PAAF1: variants seen among roughly 807,000 people sequenced by gnomAD.
The protein encoded by PAAF1 is proteasomal ATPase-associated factor 1.
A neutral mutation model predicts 52.8 loss-of-function variants in PAAF1; 46 were observed. The ratio of observed to expected loss-of-function variants is 0.87; its 90% CI spans 0.69 to 1.11. PAAF1 has a LOEUF of 1.11. PAAF1 is among the 50% of genes most tolerant of loss of function. The probability of loss-of-function intolerance (pLI) is 0.00; values close to 1 mark genes in which losing one functional copy is unlikely to be tolerated. For missense variants in PAAF1, 424 were observed against 477.4 expected (o/e 0.89, Z 1.04); for synonymous variants, 178 against 172.8 (o/e 1.03, Z -0.24).
At chr11:73,919,846 G>C (rs1950163231) in intron 10 of PAAF1, among the ~76,000 whole-genome samples, 1 of 152,156 alleles carries the variant, frequency 6.6e-6, no homozygotes, top group Non-Finnish European at 1.5e-5. Flanking sequence ...GTTATTTACA[G>C]AACACCCAGC....
In PAAF1 at chr11:73,927,581, C is replaced by T; in HGVS notation, c.*219C>T. On this transcript the variant is annotated 3_prime_UTR_variant, in exon 12 of 12. Transcript: ENST00000310571. ...ATTGTGCCCACTGCATTTGTTCCAA[C>T]TTCTCCTTGTATAAACTCACCCCAG... is the stretch of plus-strand genomic sequence containing the variant. 1 of 586,312 alleles carries T rather than the reference C, an allele frequency of 1.7e-6. No homozygotes were observed. Among genetic ancestry groups the T allele is most frequent in the Non-Finnish European group, 3.0e-6 (1 of 328,968 alleles). The allele number at this position is 586,312 out of a possible 1,614,324, so 36.3% of individuals were successfully genotyped here.
At chr11:73,878,933 A>G (rs549659083) in intron 2 of PAAF1, 114 bp downstream of exon 2, 4 of 950,936 alleles carry the variant, frequency 4.2e-6, no homozygotes, top group East Asian at 2.5e-5. Context: ...GTCTGCAAAC[A>G]TGCTTGACCA....
chr11:73,878,702 CTTCT>C lies in PAAF1; in HGVS notation c.48-71_48-68del, dbSNP rs2135116783. The C allele has an allele frequency of 3.6e-6, 5 of 1,372,476 alleles. No individual in the cohort carries two copies. In the South Asian group the frequency reaches 6.0e-5, roughly 17 times the overall value. 85.0% of individuals were successfully genotyped at this position (1,372,476 alleles called of 1,614,324 possible). Reference sequence around the variant, plus strand: ...ATGACCAAGCTGGAGGTTACATGACCTTCTTTCTTCCCTTGTAACTATGGGATCC... The same window carrying C: ...ATGACCAAGCTGGAGGTTACATGACCTTCTTCCCTTGTAACTATGGGATCC... On this transcript the variant is annotated intron_variant, in intron 1 of 11. Transcript: ENST00000310571.
chr11:73,902,599 C>G (rs1025169438), intron 6 of PAAF1, among the ~76,000 whole-genome samples: 1 of 152,148 alleles, frequency 6.6e-6, no homozygotes, highest in Admixed American at 6.6e-5. Flanking sequence ...ATTATTGTTC[C>G]CTTTACAGAA....
intron 4 of PAAF1, among the ~76,000 whole-genome samples, chr11:73,897,063 G>A (rs2135163114): frequency 7.1e-6 from 1 of 140,154 alleles, no homozygotes; most frequent in Admixed American, 7.0e-5. Context: ...CCGGGCAGAG[G>A]CGCCCCTCAC....
chr11:73,905,687 T>C (rs554650766), intron 6 of PAAF1, among the ~76,000 whole-genome samples: 7 of 152,288 alleles, frequency 4.6e-5, no homozygotes, highest in African/African-American at 1.7e-4. Flanking sequence ...GTGATAATTT[T>C]CCACTCTGCT....
chr11:73,891,050 C>A, intron 3 of PAAF1, 62 bp from the exon 4 acceptor site: 2 of 986,404 alleles, frequency 2.0e-6, no homozygotes, highest in Non-Finnish European at 3.2e-6. Context: ...CTTTAAGAGG[C>A]TTTAATTATA....
chr11:73,924,312 G>A (rs1354923102), intron 10 of PAAF1, among the ~76,000 whole-genome samples: 4 of 152,118 alleles, frequency 2.6e-5, no homozygotes, highest in Non-Finnish European at 4.4e-5. Flanking sequence ...CAGGCGTGGT[G>A]GTGGGCACCT....
intron 3 of PAAF1, chr11:73,889,255 T>G (rs1408027760): frequency 7.4e-7 from 1 of 1,351,918 alleles, no homozygotes. Flanking sequence ...AGTAAGTGCT[T>G]ATGGTTGAAC....
Position 73,914,507 on chromosome 11 carries a change from A to G in PAAF1, c.819+3A>G. On this transcript the variant is annotated splice_donor_region_variant and intron_variant, in intron 8 of 11. Coordinates refer to ENST00000310571, the MANE Select transcript of PAAF1 (RefSeq NM_025155.3). ...TGGGACTACAGAGCAGGCAGCTGGC[A>G]AGTGGTTCCTATATGACCTTTGAAC... The G allele has an allele frequency of 1.2e-6, 2 of 1,613,740 alleles. No individual in the cohort carries two copies. Among genetic ancestry groups the G allele is most frequent in the Non-Finnish European group, 1.7e-6 (2 of 1,179,740 alleles).
chr11:73,897,533 C>T (rs1202895018), intron 4 of PAAF1, among the ~76,000 whole-genome samples: 1 of 151,388 alleles, frequency 6.6e-6, no homozygotes, highest in Non-Finnish European at 1.5e-5. Context: ...GTGCTCCCCA[C>T]ATCTCAGACG....
At chr11:73,881,545 C>T (rs1948908392) in intron 2 of PAAF1, among the ~76,000 whole-genome samples, 1 of 152,152 alleles carries the variant, frequency 6.6e-6, no homozygotes, top group Admixed American at 6.5e-5. Context: ...GCCTTGGCCT[C>T]CCAAAGTGCT....
At chr11:73,880,160 G>T (rs1356412896) in intron 2 of PAAF1, 2 of 152,060 alleles carry the variant, frequency 1.3e-5, no homozygotes, top group Non-Finnish European at 2.9e-5. Context: ...AGTCAAGGCT[G>T]CAGTGAGCTG....
chr11:73,877,065 T>C lies in PAAF1; in HGVS notation c.44T>C (p.Leu15Pro). 2 of 1,537,546 alleles carry C rather than the reference T, an allele frequency of 1.3e-6. No homozygotes were observed. Among genetic ancestry groups the C allele is most frequent in the Non-Finnish European group, 1.8e-6 (2 of 1,139,760 alleles). The change falls in exon 1 of 12, where the codon CTC (leucine) becomes CCC (proline). Residue 15 changes from leucine (L) to proline (P), a missense_variant. By Grantham distance (98) the Leu-to-Pro change is moderately conservative. Transcript: ENST00000310571. ...ATTCAGAGCGACTGGGCGCAAGCCC[T>C]CAGGTGAATCCAGGCCCAGAACAGA... ...LRIQSDWAQA[L>P]RKDEGEAWLS...
intron 9 of PAAF1, among the ~76,000 whole-genome samples, chr11:73,917,768 G>T (rs999337416): frequency 6.6e-6 from 1 of 152,136 alleles, no homozygotes; most frequent in African/African-American, 2.4e-5. Context: ...GGTACTGGGG[G>T]GCTGAGGCAG....
intron 6 of PAAF1, 68 bp from the exon 7 acceptor site, chr11:73,909,331 C>G: frequency 1.4e-6 from 2 of 1,432,592 alleles, no homozygotes; most frequent in Non-Finnish European, 1.9e-6. Context: ...TTATGCAGCT[C>G]CATCTTCTCT....
At chr11:73,915,015 G>T (rs1006051846) in intron 8 of PAAF1, among the ~76,000 whole-genome samples, 2 of 152,014 alleles carry the variant, frequency 1.3e-5, no homozygotes, top group Admixed American at 1.3e-4. Context: ...CTGAATCCCA[G>T]TTCTTGTGCA....
intron 1 of PAAF1, among the ~76,000 whole-genome samples, chr11:73,877,802 G>A (rs1165809139): frequency 6.6e-6 from 1 of 152,028 alleles, no homozygotes; most frequent in Non-Finnish European, 1.5e-5. Context: ...AGGAGAATCG[G>A]TTGAACCCAG....
At chr11:73,903,489 G>A (rs1949678659) in intron 6 of PAAF1, among the ~76,000 whole-genome samples, 1 of 152,136 alleles carries the variant, frequency 6.6e-6, no homozygotes, top group Admixed American at 6.5e-5. Context: ...GGCCGAGGCG[G>A]GTGGATCATC....
Sources: gnomAD v4.1 joint callset for allele counts (sites outside exome capture counted in the v4.1 genomes callset) on GRCh38, gnomAD v4.1.1 for gene constraint, MANE v1.5 for transcripts, NCBI Gene and HGNC (gene_info 2026-07-23, HGNC 2026-07-21) for gene names.